GSE1: variants seen among roughly 807,000 people sequenced by gnomAD.
GSE1 encodes the protein Gse1 coiled-coil protein.
GSE1 carries 32 observed loss-of-function variants against 112.6 expected under a neutral mutation model. The ratio of observed to expected loss-of-function variants is 0.28; its 90% CI spans 0.21 to 0.38. The LOEUF is 0.38. Among genes scored for constraint, GSE1 ranks in the 10% least tolerant of loss-of-function variants. The probability of loss-of-function intolerance (pLI) is 1.00; values close to 1 mark genes in which losing one functional copy is unlikely to be tolerated. For missense variants in GSE1, 2,348 were observed against 1,699.2 expected, an observed-to-expected ratio of 1.38 and a Z score of -6.71; for synonymous variants, 1,115 against 735.6, an observed-to-expected ratio of 1.52 and a Z score of -8.35.
intron 1 of GSE1, among the ~76,000 whole-genome samples, chr16:85,180,793 G>A (rs1370661178): frequency 6.6e-6 from 1 of 152,112 alleles, no homozygotes; most frequent in Non-Finnish European, 1.5e-5. Context: ...AGGTAGATGG[G>A]GTCAGGAAGC....
intron 2 of GSE1, among the ~76,000 whole-genome samples, chr16:85,545,882 A>G (rs2151219793): frequency 6.6e-6 from 1 of 152,226 alleles, no homozygotes; most frequent in South Asian, 2.1e-4. Flanking sequence ...TCCCGGGTTC[A>G]CGCCATTCTT....
At chr16:85,516,382 G>T (rs2051937972) in intron 2 of GSE1, among the ~76,000 whole-genome samples, 1 of 149,942 alleles carries the variant, frequency 6.7e-6, no homozygotes, top group Non-Finnish European at 1.5e-5. Context: ...GTGGCCCGGG[G>T]TGGTGGATAT....
chr16:85,401,151 G>T (rs1323210800), intron 2 of GSE1, among the ~76,000 whole-genome samples: 1 of 152,200 alleles, frequency 6.6e-6, no homozygotes, highest in Non-Finnish European at 1.5e-5. Flanking sequence ...GGTGCGGGGA[G>T]GGGCAATGGG....
At chr16:85,614,021 GC>G (rs1191665418) in intron 1 of GSE1, among the ~76,000 whole-genome samples, 1 of 151,566 alleles carries the variant, frequency 6.6e-6, no homozygotes, top group African/African-American at 2.4e-5. Context: ...GGAAGGGCGC[GC>G]CCCGGGCTCG....
Position 85,269,210 on chromosome 16 carries a change from C to G in GSE1, c.2284-88253C>G, listed in dbSNP as rs571078798. Among the ~76,000 whole-genome samples the G allele has an allele frequency of 1.8e-3, 275 of 149,662 alleles. 5 individuals carry two copies. The highest frequency in any genetic ancestry group is 6.1e-3 in the African/African-American group (251 of 41,408). ...AAAATAAATGAGCCACCCCCACCTC[C>G]AATTTACTCCTTTGATTGACGGGAG... On this transcript the variant is annotated intron_variant, in intron 1 of 2. Transcript: ENST00000637419.
At chr16:85,601,236 A>G (rs576202951) in intron 1 of GSE1, among the ~76,000 whole-genome samples, 30 of 152,020 alleles carry the variant, frequency 2.0e-4, no homozygotes, top group African/African-American at 7.2e-4. Context: ...CAGAGGGGAA[A>G]TAGACCCCAG....
At chr16:85,514,228 C>CCTCCCT (rs2051842435) in intron 2 of GSE1, among the ~76,000 whole-genome samples, 1 of 151,604 alleles carries the variant, frequency 6.6e-6, no homozygotes, top group South Asian at 2.1e-4. Flanking sequence ...CTCCCCTCCC[C>CCTCCCT]GGTTTCTCTC....
chr16:85,207,690 G>T (rs1163606560), intron 1 of GSE1: 7 of 152,254 alleles, frequency 4.6e-5, no homozygotes, highest in Admixed American at 2.0e-4. Flanking sequence ...GGGCAGATGA[G>T]CCCATCACCC....
chr16:85,494,494 C>T (rs920655542), intron 2 of GSE1, among the ~76,000 whole-genome samples: 4 of 151,576 alleles, frequency 2.6e-5, no homozygotes, highest in Middle Eastern at 3.4e-3. Context: ...ACTCTGTTGC[C>T]CAGGCTGGAG....
chr16:85,636,256 G>T (rs2049988197), intron 2 of GSE1, among the ~76,000 whole-genome samples: 1 of 152,232 alleles, frequency 6.6e-6, no homozygotes. Context: ...CACTGCCTGA[G>T]CCATGTGCCC....
intron 1 of GSE1, among the ~76,000 whole-genome samples, chr16:85,227,935 A>G (rs959813839): frequency 6.6e-6 from 1 of 151,908 alleles, no homozygotes; most frequent in Non-Finnish European, 1.5e-5. Context: ...AAACAGATCA[A>G]CGCAGAGAAC....
rs1216331161 is a variant in GSE1 at position 85,246,505 on chromosome 16, C to G, written c.2283+74698C>G. On this transcript the variant is annotated intron_variant, in intron 1 of 2. Transcript: ENST00000637419. Reference sequence around the variant, plus strand: ...CACACACACACACTCTACACACCCCCCCCCCCCCGACGCTGTCTGCAGGAG... The same window carrying G: ...CACACACACACACTCTACACACCCCGCCCCCCCCGACGCTGTCTGCAGGAG... 2.2e-5 allele frequency among the ~76,000 whole-genome samples: 2 copies of G among 92,788 alleles called. 1 individual carries two copies. The highest frequency in any genetic ancestry group is 5.7e-5 in the Non-Finnish European group (2 of 35,256). 60.9% of individuals were successfully genotyped at this position (92,788 alleles called of 152,430 possible). A position where few individuals can be genotyped will look rare whatever the true frequency, so the allele number is the denominator to read the frequency against.
At chr16:85,202,260 G>A (rs574907848) in intron 1 of GSE1, among the ~76,000 whole-genome samples, 7 of 152,334 alleles carry the variant, frequency 4.6e-5, no homozygotes, top group African/African-American at 1.4e-4. Flanking sequence ...TCTGGAATCC[G>A]GCAGCTTCCG....
intron 2 of GSE1, among the ~76,000 whole-genome samples, chr16:85,498,142 G>A (rs537169059): frequency 3.3e-5 from 5 of 152,148 alleles, no homozygotes; most frequent in African/African-American, 1.2e-4. Context: ...GCGGGAGGAG[G>A]GAAGCACAGT....
chr16:85,242,546 A>G (rs1905248333), intron 1 of GSE1, among the ~76,000 whole-genome samples: 1 of 152,254 alleles, frequency 6.6e-6, no homozygotes, highest in African/African-American at 2.4e-5. Flanking sequence ...CGTTGTCACC[A>G]GCGCTTTACA....
chr16:85,219,282 G>A (rs1291157951), intron 1 of GSE1, among the ~76,000 whole-genome samples: 2 of 152,216 alleles, frequency 1.3e-5, no homozygotes, highest in Admixed American at 1.3e-4. Context: ...CGAAAGTGCT[G>A]GGATTACAGG....
chr16:85,417,840 C>G (rs2048738049), intron 2 of GSE1, among the ~76,000 whole-genome samples: 1 of 152,174 alleles, frequency 6.6e-6, no homozygotes, highest in Non-Finnish European at 1.5e-5. Flanking sequence ...GGCTGCATTT[C>G]TTTTTTCTTT....
chr16:85,187,743 C>G (rs2074736717), intron 1 of GSE1, among the ~76,000 whole-genome samples: 1 of 152,232 alleles, frequency 6.6e-6, no homozygotes, highest in Non-Finnish European at 1.5e-5. Flanking sequence ...CACACAGGGA[C>G]AGGCTTGGGA....
chr16:85,220,547 T>TGGGG (rs1171893989), intron 1 of GSE1, among the ~76,000 whole-genome samples: 1 of 152,186 alleles, frequency 6.6e-6, no homozygotes, highest in Non-Finnish European at 1.5e-5. Context: ...TTCAATGACT[T>TGGGG]TGGTCGTCAA....
Sources: gnomAD v4.1 joint callset for allele counts (sites outside exome capture counted in the v4.1 genomes callset) on GRCh38, gnomAD v4.1.1 for gene constraint, MANE v1.5 for transcripts, NCBI Gene and HGNC (gene_info 2026-07-23, HGNC 2026-07-21) for gene names.